Variants in OR14A2 observed in about 807,000 individuals in gnomAD.
The protein encoded by OR14A2 is olfactory receptor family 14 subfamily A member 2.
For missense variants in OR14A2, 237 were observed against 152.9 expected (o/e 1.55, Z -2.90); for synonymous variants, 114 against 58.6 (o/e 1.95, Z -4.32).
chr1:247,737,508 TG>T, the OR14A2 span, among the ~76,000 whole-genome samples: 1 of 152,128 alleles, frequency 6.6e-6, no homozygotes, highest in African/African-American at 2.4e-5. Context: ...AGCAAGTTCA[TG>T]GCTGCCCCAA....
At chr1:247,723,126 T>A in exon 1 of OR14A2, 1 of 716,992 alleles carries the variant, frequency 1.4e-6, no homozygotes, top group Non-Finnish European at 2.6e-6. Context: ...CCTGACCATA[T>A]GTTTTCTGCA....
the OR14A2 span, among the ~76,000 whole-genome samples, chr1:247,733,939 A>G: frequency 1.3e-5 from 2 of 152,212 alleles, no homozygotes; most frequent in Non-Finnish European, 2.9e-5. Context: ...CAGAGCTACT[A>G]TGCTAGTTAA....
At chr1:247,726,972 C>T (rs1660388105), upstream of OR14A2, among the ~76,000 whole-genome samples, 2 of 147,530 alleles carry the variant, frequency 1.4e-5, no homozygotes, top group African/African-American at 2.6e-5. Flanking sequence ...AGTGTGATGC[C>T]TCCAGCTTTG....
At chr1:247,722,957 T>C, downstream of OR14A2, 1 of 610,944 alleles carries the variant, frequency 1.6e-6, no homozygotes, top group Non-Finnish European at 3.0e-6. Flanking sequence ...AAATAGTCAG[T>C]TAGGCTCTTG....
the OR14A2 span, among the ~76,000 whole-genome samples, chr1:247,730,625 A>G: frequency 6.6e-6 from 1 of 152,028 alleles, no homozygotes; most frequent in East Asian, 1.9e-4. Flanking sequence ...AACTCTACTT[A>G]TAATTGATAA....
At chr1:247,723,582 A>G (rs1035610674) in exon 1 of OR14A2, 5 of 718,248 alleles carry the variant, frequency 7.0e-6, no homozygotes, top group Non-Finnish European at 1.0e-5. Context: ...TGTACGCAGT[A>G]CCAAAGAGCC....
chr1:247,738,823 G>A, the OR14A2 span: 1 of 780,542 alleles, frequency 1.3e-6, no homozygotes, highest in Non-Finnish European at 2.4e-6. Flanking sequence ...TTAGACCTGT[G>A]TCTCATTTCT....
the OR14A2 span, chr1:247,739,537 G>C: frequency 9.0e-6 from 7 of 776,538 alleles, no homozygotes; most frequent in Non-Finnish European, 2.4e-6. Flanking sequence ...AATGTTAGAA[G>C]CAGTGGGGTA....
At chr1:247,737,827 A>G in the OR14A2 span, among the ~76,000 whole-genome samples, 1 of 152,160 alleles carries the variant, frequency 6.6e-6, no homozygotes, top group Non-Finnish European at 1.5e-5. Flanking sequence ...ATAAGAGGAC[A>G]CACTGCATCT....
chr1:247,739,374 G>C, the OR14A2 span: 2 of 780,774 alleles, frequency 2.6e-6, no homozygotes, highest in Non-Finnish European at 4.8e-6. Context: ...TGTAACAGGT[G>C]CTGTTGCTTA....
the OR14A2 span, among the ~76,000 whole-genome samples, chr1:247,736,601 A>C: frequency 6.6e-6 from 1 of 152,226 alleles, no homozygotes; most frequent in East Asian, 1.9e-4. Context: ...AAAATCTAGC[A>C]TTGGAGTCAA....
At chr1:247,724,647 T>C (rs537705456), upstream of OR14A2, among the ~76,000 whole-genome samples, 32 of 152,246 alleles carry the variant, frequency 2.1e-4, 1 homozygote, top group East Asian at 3.3e-3. Flanking sequence ...CTTGAGGTCA[T>C]GCAATTCTAA....
the OR14A2 span, among the ~76,000 whole-genome samples, chr1:247,730,806 G>T: frequency 6.6e-6 from 1 of 151,976 alleles, no homozygotes; most frequent in Non-Finnish European, 1.5e-5. Context: ...CCAAGAAGAG[G>T]GTGTGAATTC....
chr1:247,726,669 T>G (rs1660372953), upstream of OR14A2, among the ~76,000 whole-genome samples: 1 of 149,204 alleles, frequency 6.7e-6, no homozygotes, highest in Non-Finnish European at 1.5e-5. Flanking sequence ...GTTTTAGGTC[T>G]AATGTTTAGG....
the OR14A2 span, among the ~76,000 whole-genome samples, chr1:247,743,294 A>C: frequency 0.11 from 16,655 of 152,010 alleles, 1,426 homozygotes; most frequent in African/African-American, 0.24. Context: ...GCACCATGCC[A>C]GAACACCTCC....
At chr1:247,733,644 A>C in the OR14A2 span, among the ~76,000 whole-genome samples, 2 of 152,150 alleles carry the variant, frequency 1.3e-5, no homozygotes, top group Non-Finnish European at 2.9e-5. Flanking sequence ...TTTTTGAATA[A>C]GTTATCTGCT....
At chr1:247,744,401 T>C in the OR14A2 span, among the ~76,000 whole-genome samples, 2 of 152,164 alleles carry the variant, frequency 1.3e-5, no homozygotes, top group Non-Finnish European at 2.9e-5. This position sits in a 1 kb window ranked among gnomAD's most constrained non-coding sequence, Gnocchi z 4.3. Flanking sequence ...ATACCATGAA[T>C]TTTTATTGGT....
the OR14A2 span, chr1:247,738,860 C>G: frequency 1.3e-6 from 1 of 780,822 alleles, no homozygotes; most frequent in Non-Finnish European, 2.4e-6. Flanking sequence ...CCATCCTCAA[C>G]TCTGTCGCCT....
chr1:247,731,188 C>G, the OR14A2 span, among the ~76,000 whole-genome samples: 750 of 151,932 alleles, frequency 4.9e-3, 7 homozygotes, highest in African/African-American at 0.017. Context: ...CTAGTGCTGT[C>G]TTTATTTTTC....
Sources: allele counts gnomAD v4.1 joint callset (sites outside exome capture counted in the v4.1 genomes callset), GRCh38; gene constraint gnomAD v4.1.1; non-coding constraint Gnocchi (gnomAD v3.1); transcripts MANE v1.5; gene names NCBI Gene and HGNC (gene_info 2026-07-23, HGNC 2026-07-21).